Variants in MBD2 observed in about 807,000 individuals in gnomAD.
MBD2 encodes the protein methyl-CpG binding domain protein 2.
Under a neutral mutation model 39.3 loss-of-function variants are expected in MBD2, and 9 were observed. That is an observed-to-expected ratio of 0.23 (90% CI 0.14 to 0.40). The LOEUF (loss-of-function observed/expected upper bound fraction) is 0.40, where lower values mean the gene tolerates loss of function less well. MBD2 is among the 10% of genes least tolerant of loss of function. The pLI, the probability that MBD2 is intolerant of heterozygous loss-of-function variation, is 1.00. For synonymous variants in MBD2, 233 were observed against 211.1 expected (o/e 1.10, Z -0.90); for missense variants, 458 against 532.6 (o/e 0.86, Z 1.38).
intron 1 of MBD2, among the ~76,000 whole-genome samples, chr18:54,205,723 C>A (rs1395742649): frequency 5.3e-5 from 8 of 152,092 alleles, no homozygotes; most frequent in Admixed American, 3.3e-4. Flanking sequence ...GTTGCCACAG[C>A]CTATCCCACT....
chr18:54,155,533 T>C (rs2086046258), intron 6 of MBD2, among the ~76,000 whole-genome samples: 1 of 152,246 alleles, frequency 6.6e-6, no homozygotes, highest in Non-Finnish European at 1.5e-5. Flanking sequence ...ACTATCCTGT[T>C]AATTTTCCAA....
intron 5 of MBD2, among the ~76,000 whole-genome samples, chr18:54,162,982 T>C (rs1442539935): frequency 6.6e-6 from 1 of 152,056 alleles, no homozygotes; most frequent in Non-Finnish European, 1.5e-5. Flanking sequence ...AATACAAATA[T>C]AGGCTGGGCG....
At chr18:54,169,673 G>A (rs946735455) in intron 3 of MBD2, among the ~76,000 whole-genome samples, 1 of 152,176 alleles carries the variant, frequency 6.6e-6, no homozygotes, top group African/African-American at 2.4e-5. Flanking sequence ...AAGCACTACT[G>A]CTGTCATAAA....
Position 54,188,888 on chromosome 18 carries a change from C to A in MBD2, c.826G>T (p.Glu276Ter). ...KVKSDPQRMN[E>*]QPRQLFWEKR... ...TAGATCCTTACCTGACGTGGCTGTTCATTCATTCGTTGTGGGTCTGATTTC... is the reference window on the plus strand; with the variant it reads ...TAGATCCTTACCTGACGTGGCTGTTAATTCATTCGTTGTGGGTCTGATTTC... Residue 276 changes from glutamate to a stop codon, truncating the protein, a stop_gained, in exon 3 of 7, where the codon GAA becomes TAA. Coordinates refer to ENST00000256429, the MANE Select transcript of MBD2 (RefSeq NM_003927.5). LOFTEE classifies it high-confidence loss of function. 6.2e-7 allele frequency: 1 copy of A among 1,607,198 alleles called. No individual in the cohort carries two copies.
intron 3 of MBD2, among the ~76,000 whole-genome samples, chr18:54,166,573 A>G (rs1056013089): frequency 1.3e-5 from 2 of 152,248 alleles, no homozygotes; most frequent in Non-Finnish European, 2.9e-5. Flanking sequence ...ATCCAATATC[A>G]TTAGAGAAAG....
chr18:54,160,032 T>C (rs977375309), intron 5 of MBD2, 129 bp from the exon 6 acceptor site: 6 of 1,057,346 alleles, frequency 5.7e-6, no homozygotes, highest in Non-Finnish European at 8.0e-6. Flanking sequence ...TTTTCAGATT[T>C]TTGCAGAGGT....
chr18:54,197,240 C>T (rs950281846), intron 2 of MBD2, among the ~76,000 whole-genome samples: 1 of 152,218 alleles, frequency 6.6e-6, no homozygotes, highest in Admixed American at 6.5e-5. Context: ...TGTGTCTCTA[C>T]ATTTTCCACA....
intron 3 of MBD2, among the ~76,000 whole-genome samples, chr18:54,173,107 T>A (rs1252101087): frequency 1.3e-5 from 2 of 152,212 alleles, no homozygotes; most frequent in African/African-American, 2.4e-5. Context: ...TCTGAGCACA[T>A]GAATATGAAT....
Position 54,159,819 on chromosome 18 carries a change from T to C in MBD2, c.1194A>G (p.Thr398=). ...TGTCCATTTCAATATCCATCTCTTCTGTATCAGCAGCTCGCGACAAGATGT... is the reference window on the plus strand; with the variant it reads ...TGTCCATTTCAATATCCATCTCTTCCGTATCAGCAGCTCGCGACAAGATGT... ...MADILSRAAD[T]EEMDIEMDSG... Residue 398 remains threonine (T), a synonymous_variant, in exon 6 of 7, where the codon ACA becomes ACG. Coordinates refer to ENST00000256429, the MANE Select transcript of MBD2 (RefSeq NM_003927.5). 3 of 1,612,582 alleles carry C rather than the reference T, an allele frequency of 1.9e-6. No individual in the cohort carries two copies. Among genetic ancestry groups the C allele is most frequent in the Non-Finnish European group, 2.5e-6 (3 of 1,180,012 alleles).
At chr18:54,181,538 C>T (rs112394221) in intron 3 of MBD2, among the ~76,000 whole-genome samples, 3,678 of 152,064 alleles carry the variant, frequency 0.024, 152 homozygotes, top group African/African-American at 0.083. Flanking sequence ...CTTGCTCTGT[C>T]GCCCAGGCTG....
At chr18:54,216,418 G>A (rs999040750) in intron 1 of MBD2, among the ~76,000 whole-genome samples, 2 of 152,282 alleles carry the variant, frequency 1.3e-5, no homozygotes, top group East Asian at 3.9e-4. Flanking sequence ...TTCACTTAGC[G>A]AAGATTTATG....
chr18:54,169,667 A>G (rs116297992), intron 3 of MBD2, among the ~76,000 whole-genome samples: 2,658 of 152,316 alleles, frequency 0.017, 79 homozygotes, highest in African/African-American at 0.061. Flanking sequence ...CTTCATAAGC[A>G]CTACTGCTGT....
At chr18:54,211,104 C>A (rs2086502130) in intron 1 of MBD2, among the ~76,000 whole-genome samples, 1 of 151,608 alleles carries the variant, frequency 6.6e-6, no homozygotes, top group African/African-American at 2.4e-5. Context: ...ATCTCCTGAC[C>A]TCGTGATCCG....
rs56174434 is a variant in MBD2, at chr18:54,168,572, C to CATATATATATATATATATATATAT, written c.841-2430_841-2407dup. 1.4e-3 allele frequency among the ~76,000 whole-genome samples: 155 copies of CATATATATATATATATATATATAT among 114,794 alleles called. 4 individuals are homozygous for CATATATATATATATATATATATAT. Among genetic ancestry groups the CATATATATATATATATATATATAT allele is most frequent in the African/African-American group, 3.4e-3 (89 of 26,372 alleles). 75.3% of individuals were successfully genotyped at this position (114,794 alleles called of 152,430 possible). A position where few individuals can be genotyped will look rare whatever the true frequency, so the allele number is the denominator to read the frequency against. On this transcript the variant is annotated intron_variant, in intron 3 of 6. Transcript: ENST00000256429. ...TTGTTATGCCATGAAAATGGAGATA[C>CATATATATATATATATATATATAT]ATATATATATATATATATATATATA...
At chr18:54,168,572 C>CATATATATATATAT (rs56174434) in intron 3 of MBD2, among the ~76,000 whole-genome samples, 3 of 114,830 alleles carry the variant, frequency 2.6e-5, no homozygotes, top group African/African-American at 7.6e-5. Context: ...AATGGAGATA[C>CATATATATATATAT]ATATATATAT....
intron 2 of MBD2, 152 bp downstream of exon 2, chr18:54,204,846 A>G: frequency 3.0e-6 from 2 of 667,536 alleles, no homozygotes; most frequent in Non-Finnish European, 5.2e-6. Flanking sequence ...CAATTTACTT[A>G]TGCTCTCTCT....
intron 1 of MBD2, chr18:54,222,193 G>C: frequency 6.4e-6 from 2 of 312,822 alleles, no homozygotes; most frequent in East Asian, 1.6e-4. Context: ...ACTAGAAAAC[G>C]AACAATTGTG....
At chr18:54,157,078 G>C (rs2086057377) in intron 6 of MBD2, among the ~76,000 whole-genome samples, 1 of 151,930 alleles carries the variant, frequency 6.6e-6, no homozygotes, top group Admixed American at 6.6e-5. Flanking sequence ...CTGCAGCCGT[G>C]GACAGTAGAA....
chr18:54,215,060 C>T (rs1013754279), intron 1 of MBD2, among the ~76,000 whole-genome samples: 6 of 152,068 alleles, frequency 3.9e-5, no homozygotes, highest in Non-Finnish European at 8.8e-5. Context: ...AGAATTCTTA[C>T]ACTAGATTTA....
Sources: allele counts gnomAD v4.1 joint callset (sites outside exome capture counted in the v4.1 genomes callset), GRCh38; gene constraint gnomAD v4.1.1; transcripts MANE v1.5; gene names NCBI Gene and HGNC (gene_info 2026-07-23, HGNC 2026-07-21).